The following SEMA6D variants were observed in gnomAD, a reference collection of about 807,000 sequenced individuals.
SEMA6D encodes the protein semaphorin 6D.
Under a neutral mutation model 106.6 loss-of-function variants are expected in SEMA6D, and 35 were observed. The observed-to-expected ratio is 0.33, with a 90% CI of 0.25 to 0.44. The LOEUF is 0.44. SEMA6D is among the 20% of genes least tolerant of loss of function. The probability of loss-of-function intolerance (pLI) is 1.00; values close to 1 mark genes in which losing one functional copy is unlikely to be tolerated. For missense variants in SEMA6D, 1,185 were observed against 1,345.9 expected (o/e 0.88, Z 1.87); for synonymous variants, 499 against 487.7 (o/e 1.02, Z -0.31).
chr15:47,487,120 G>A (rs542561878), intron 3 of SEMA6D, among the ~76,000 whole-genome samples: 4 of 152,220 alleles, frequency 2.6e-5, no homozygotes, highest in South Asian at 2.1e-4. Context: ...CATTCTTTTC[G>A]TAAAGACAAT....
chr15:47,230,991 C>T (rs1295558363), intron 1 of SEMA6D, among the ~76,000 whole-genome samples: 1 of 151,546 alleles, frequency 6.6e-6, no homozygotes, highest in African/African-American at 2.4e-5. Context: ...TACCCCCTTT[C>T]CTCCCCTTTG....
chr15:47,325,739 C>CA (rs1476157858), intron 1 of SEMA6D, among the ~76,000 whole-genome samples: 1 of 152,168 alleles, frequency 6.6e-6, no homozygotes, highest in African/African-American at 2.4e-5. Context: ...TTCCTCCTTG[C>CA]ATATCCTCTT....
intron 1 of SEMA6D, among the ~76,000 whole-genome samples, chr15:47,408,908 G>A (rs8026790): frequency 0.014 from 2,198 of 152,278 alleles, 49 homozygotes; most frequent in African/African-American, 0.05. Context: ...GCTTGCAGGA[G>A]GCTATAGTTC....
At chr15:47,254,327 G>GTATA (rs1457735009) in intron 1 of SEMA6D, among the ~76,000 whole-genome samples, 4 of 79,610 alleles carry the variant, frequency 5.0e-5, no homozygotes, top group Non-Finnish European at 1.5e-4. Context: ...ATATGTGTGT[G>GTATA]TGTGTATATA....
intron 3 of SEMA6D, among the ~76,000 whole-genome samples, chr15:47,581,824 A>G (rs1253052150): frequency 6.6e-6 from 1 of 152,234 alleles, no homozygotes; most frequent in Non-Finnish European, 1.5e-5. Context: ...ACAGATGAGT[A>G]TCTGAGGTCT....
At chr15:47,608,920 T>C (rs558390675) in intron 4 of SEMA6D, among the ~76,000 whole-genome samples, 1 of 152,328 alleles carries the variant, frequency 6.6e-6, no homozygotes, top group Non-Finnish European at 1.5e-5. Context: ...TACATTTTAC[T>C]CCTTGAATTA....
At chr15:47,646,881 A>T (rs2077591455) in intron 4 of SEMA6D, among the ~76,000 whole-genome samples, 1 of 152,208 alleles carries the variant, frequency 6.6e-6, no homozygotes, top group African/African-American at 2.4e-5. Context: ...ATGAAAGAAC[A>T]AGATTTTCAG....
At chr15:47,494,791 A>ATATAT (rs2043597859) in intron 3 of SEMA6D, among the ~76,000 whole-genome samples, 4 of 56,938 alleles carry the variant, frequency 7.0e-5, no homozygotes, top group Non-Finnish European at 1.2e-4. Flanking sequence ...TATATATATA[A>ATATAT]TCTCCAGATA....
At chr15:47,348,481 T>C (rs1327671037) in intron 1 of SEMA6D, among the ~76,000 whole-genome samples, 1 of 152,076 alleles carries the variant, frequency 6.6e-6, no homozygotes, top group Non-Finnish European at 1.5e-5. Context: ...AATCCAAAAA[T>C]TTTAAATCCA....
chr15:47,598,730 C>T (rs1379125480), intron 3 of SEMA6D, among the ~76,000 whole-genome samples: 1 of 152,110 alleles, frequency 6.6e-6, no homozygotes, highest in Non-Finnish European at 1.5e-5. Flanking sequence ...GTGTATGTCA[C>T]CTAAGCTTTC....
At chr15:47,513,598 A>G (rs1187525885) in intron 3 of SEMA6D, among the ~76,000 whole-genome samples, 2 of 152,330 alleles carry the variant, frequency 1.3e-5, no homozygotes, top group East Asian at 3.9e-4. Context: ...AAAGAAGGGT[A>G]CCAAAGGGAT....
At chr15:47,420,812 G>A (rs1483166288) in intron 2 of SEMA6D, among the ~76,000 whole-genome samples, 1 of 152,074 alleles carries the variant, frequency 6.6e-6, no homozygotes, top group Non-Finnish European at 1.5e-5. Context: ...AAGGCCTCAG[G>A]CCCACTGTCT....
intron 3 of SEMA6D, among the ~76,000 whole-genome samples, chr15:47,477,371 A>G (rs528950988): frequency 1.3e-5 from 2 of 152,244 alleles, no homozygotes; most frequent in South Asian, 2.1e-4. Context: ...ATGCCTTTCC[A>G]TAACTATAAA....
At chr15:47,541,413 A>G (rs1469017534) in intron 3 of SEMA6D, among the ~76,000 whole-genome samples, 2 of 152,220 alleles carry the variant, frequency 1.3e-5, no homozygotes, top group Non-Finnish European at 2.9e-5. Context: ...TTTCATGCCC[A>G]GAATCATCCA....
chr15:47,764,414 C>T (rs944227947), intron 11 of SEMA6D, 109 bp downstream of exon 11: 1 of 1,375,198 alleles, frequency 7.3e-7, no homozygotes, highest in Non-Finnish European at 9.9e-7. Context: ...AGGAAGGGGT[C>T]CCTCTCTCAG....
chr15:47,580,436 T>C (rs1407647792), intron 3 of SEMA6D, among the ~76,000 whole-genome samples: 1 of 152,232 alleles, frequency 6.6e-6, no homozygotes, highest in African/African-American at 2.4e-5. Context: ...GGTAGATATC[T>C]GAATCACCTG....
At chr15:47,267,028 T>A (rs932757651) in intron 1 of SEMA6D, among the ~76,000 whole-genome samples, 1 of 152,162 alleles carries the variant, frequency 6.6e-6, no homozygotes, top group Admixed American at 6.6e-5. Context: ...CAGAAACATC[T>A]CCAGTAATTC....
intron 1 of SEMA6D, among the ~76,000 whole-genome samples, chr15:47,248,727 C>T (rs144177076): frequency 2.0e-4 from 31 of 152,266 alleles, no homozygotes; most frequent in African/African-American, 7.2e-4. Context: ...TCAGACATGA[C>T]AACCATTCAT....
intron 1 of SEMA6D, among the ~76,000 whole-genome samples, chr15:47,324,915 C>A (rs1185457500): frequency 6.6e-6 from 1 of 151,910 alleles, no homozygotes; most frequent in African/African-American, 2.4e-5. Flanking sequence ...AGTTTAACCT[C>A]ATTTTTTAAA....
Sources: allele counts gnomAD v4.1 joint callset (sites outside exome capture counted in the v4.1 genomes callset), GRCh38; gene constraint gnomAD v4.1.1; transcripts MANE v1.5; gene names NCBI Gene and HGNC (gene_info 2026-07-23, HGNC 2026-07-21).